Variants in PARVB observed in about 807,000 individuals in gnomAD.
PARVB encodes the protein parvin beta.
In PARVB, 46 loss-of-function variants were observed where a neutral mutation model predicts 47.0. The observed-to-expected ratio is 0.98, with a 90% CI of 0.77 to 1.25. The LOEUF (loss-of-function observed/expected upper bound fraction) is 1.25. Ranked by LOEUF, PARVB falls within the 50% of genes most tolerant of loss-of-function variation. PARVB has a pLI of 0.00. For synonymous variants in PARVB, 196 were observed against 196.3 expected, an observed-to-expected ratio of 1.00 and a Z score of 0.01; for missense variants, 473 against 471.6, an observed-to-expected ratio of 1.00 and a Z score of -0.03.
chr22:44,151,387 C>A, intron 9 of PARVB, 96 bp from the exon 10 acceptor site: 1 of 879,522 alleles, frequency 1.1e-6, no homozygotes, highest in South Asian at 1.3e-5. Context: ...GAAAGCGTTT[C>A]ACAGAGCTGG....
intron 2 of PARVB, among the ~76,000 whole-genome samples, chr22:44,014,783 C>G (rs2050558829): frequency 6.6e-6 from 1 of 152,140 alleles, no homozygotes; most frequent in African/African-American, 2.4e-5. Context: ...TAGTCCACAG[C>G]CATCAAGCCA....
At chr22:44,085,757 C>T (rs910463792) in intron 1 of PARVB, among the ~76,000 whole-genome samples, 1 of 152,248 alleles carries the variant, frequency 6.6e-6, no homozygotes, top group African/African-American at 2.4e-5. Flanking sequence ...CGGCTACACG[C>T]AGACTCTCCA....
chr22:44,165,814 A>G (rs962666142), intron 12 of PARVB, among the ~76,000 whole-genome samples: 4 of 152,230 alleles, frequency 2.6e-5, no homozygotes, highest in Middle Eastern at 3.2e-3. Context: ...ATTACGCTCA[A>G]GTGAGCTGCT....
At chr22:44,142,457 T>C (rs921341472) in intron 8 of PARVB, 2 of 151,780 alleles carry the variant, frequency 1.3e-5, no homozygotes, top group Admixed American at 6.6e-5. Context: ...CTTTTTGTTT[T>C]TTTTGTGGCG....
chr22:44,150,167 GAAACAAAACAAAACA>G (rs60712968), intron 9 of PARVB: 14 of 150,194 alleles, frequency 9.3e-5, no homozygotes, highest in South Asian at 2.1e-4. Context: ...AAAACAAAAC[GAAACAAAACAAAACA>G]AAACAAAACA....
chr22:44,164,585 G>T (rs2054126511), intron 12 of PARVB, among the ~76,000 whole-genome samples: 1 of 152,194 alleles, frequency 6.6e-6, no homozygotes. Context: ...GAACATTAAA[G>T]GCTTTGACAA....
chr22:44,089,901 G>A lies in PARVB; in HGVS notation c.113-4027G>A, dbSNP rs2052123550. ...TTAGCCTGGCCATATTTCAAGGCCAGTTCAATTGCTGCCTCCTCCAGGAAG... is the reference window on the plus strand; with the variant it reads ...TTAGCCTGGCCATATTTCAAGGCCAATTCAATTGCTGCCTCCTCCAGGAAG... On this transcript the variant is annotated intron_variant, in intron 1 of 12. Coordinates refer to ENST00000338758, the MANE Select transcript of PARVB (RefSeq NM_013327.5). This position sits in a 1 kb window ranked among gnomAD's most constrained non-coding sequence, Gnocchi z 4.0. Among the ~76,000 whole-genome samples the A allele has an allele frequency of 6.6e-6, 1 of 152,208 alleles. No individual in the cohort carries two copies. Among genetic ancestry groups the A allele is most frequent in the Non-Finnish European group, 1.5e-5 (1 of 68,040 alleles).
chr22:44,127,196 T>C (rs755582780), intron 4 of PARVB, among the ~76,000 whole-genome samples: 1 of 152,156 alleles, frequency 6.6e-6, no homozygotes, highest in Non-Finnish European at 1.5e-5. Context: ...CATAAGCACT[T>C]GAGAAGGCAA....
intron 12 of PARVB, among the ~76,000 whole-genome samples, chr22:44,167,050 C>G (rs1159200746): frequency 6.6e-6 from 1 of 152,180 alleles, no homozygotes. Flanking sequence ...GTCTCACACC[C>G]CCTGCACGTG....
intron 4 of PARVB, among the ~76,000 whole-genome samples, chr22:44,129,855 T>G (rs913408037): frequency 1.3e-5 from 2 of 152,230 alleles, no homozygotes; most frequent in African/African-American, 4.8e-5. Context: ...CTGTTATCTG[T>G]GCCATATCCA....
intron 2 of PARVB, among the ~76,000 whole-genome samples, chr22:44,007,352 G>A (rs1019818118): frequency 1.3e-5 from 2 of 152,164 alleles, no homozygotes; most frequent in African/African-American, 4.8e-5. Flanking sequence ...CATGGGGCCT[G>A]CATCAGGCTC....
intron 2 of PARVB, among the ~76,000 whole-genome samples, chr22:44,012,723 C>A (rs1015872249): frequency 2.8e-5 from 4 of 142,886 alleles, no homozygotes; most frequent in Non-Finnish European, 6.0e-5. Flanking sequence ...TGAAAATGAA[C>A]AACACAAGAA....
At chr22:44,036,785 TAGAG>T (rs1167046746) in intron 1 of PARVB, among the ~76,000 whole-genome samples, 3 of 151,948 alleles carry the variant, frequency 2.0e-5, no homozygotes, top group African/African-American at 7.3e-5. Context: ...CTGGGCAACA[TAGAG>T]AGAACCCCTT....
intron 1 of PARVB, among the ~76,000 whole-genome samples, chr22:44,026,967 G>A (rs1009647396): frequency 6.6e-6 from 1 of 151,990 alleles, no homozygotes; most frequent in Non-Finnish European, 1.5e-5. Flanking sequence ...AGAGGGGTTA[G>A]GAAATGTGGG....
chr22:44,050,424 A>C (rs1601527908), intron 1 of PARVB, among the ~76,000 whole-genome samples: 1 of 149,768 alleles, frequency 6.7e-6, no homozygotes, highest in Non-Finnish European at 1.5e-5. Flanking sequence ...GCTCACTGCA[A>C]CCTCCGCCTC....
At chr22:44,045,169 G>A (rs929129189) in intron 1 of PARVB, among the ~76,000 whole-genome samples, 6 of 152,118 alleles carry the variant, frequency 3.9e-5, no homozygotes, top group African/African-American at 9.7e-5. Context: ...TGGGAGGATC[G>A]CTTGAGCCCA....
intron 6 of PARVB, among the ~76,000 whole-genome samples, chr22:44,135,687 T>C (rs2053428082): frequency 6.6e-6 from 1 of 152,178 alleles, no homozygotes; most frequent in African/African-American, 2.4e-5. Context: ...TCTCTCGCAA[T>C]TATGGAGGCC....
chr22:44,084,734 G>C (rs1253441647), intron 1 of PARVB, among the ~76,000 whole-genome samples: 1 of 152,182 alleles, frequency 6.6e-6, no homozygotes, highest in Non-Finnish European at 1.5e-5. Context: ...GTAGCTCACT[G>C]TGTCCCCCGA....
chr22:44,119,808 T>C (rs1454536412), intron 4 of PARVB: 1 of 532,764 alleles, frequency 1.9e-6, no homozygotes, highest in East Asian at 5.4e-5. Context: ...AGATTGCTTG[T>C]GATGAGGGCC....
Sources: allele counts gnomAD v4.1 joint callset (sites outside exome capture counted in the v4.1 genomes callset), GRCh38; gene constraint gnomAD v4.1.1; non-coding constraint Gnocchi (gnomAD v3.1); transcripts MANE v1.5; gene names NCBI Gene and HGNC (gene_info 2026-07-23, HGNC 2026-07-21).